Variants in SUCO observed in about 807,000 individuals in gnomAD.
SUCO encodes SUN domain containing ossification factor.
Under a neutral mutation model 148.1 loss-of-function variants are expected in SUCO, and 57 were observed. The observed-to-expected ratio is 0.38, with a 90% CI of 0.31 to 0.48. SUCO has a LOEUF of 0.48. Ranked by LOEUF, SUCO falls within the 20% of genes least tolerant of loss-of-function variation. The pLI is 0.96. For synonymous variants in SUCO, 470 were observed against 502.7 expected, an observed-to-expected ratio of 0.93 and a Z score of 0.87; for missense variants, 1,331 against 1,468.2, an observed-to-expected ratio of 0.91 and a Z score of 1.53.
At chr1:172,578,163 C>T in intron 13 of SUCO, 135 bp from the exon 14 acceptor site, 2 of 669,590 alleles carry the variant, frequency 3.0e-6, no homozygotes, top group Non-Finnish European at 5.3e-6. Flanking sequence ...ATGTAAGGAG[C>T]AGCCATTATT....
At chr1:172,597,253 G>A (rs547744575) in intron 19 of SUCO, among the ~76,000 whole-genome samples, 14 of 152,280 alleles carry the variant, frequency 9.2e-5, no homozygotes, top group African/African-American at 2.6e-4. Flanking sequence ...GCGGTGCCCC[G>A]CCCTGCTTTG....
chr1:172,556,571 G>T, intron 4 of SUCO: 8 of 976,270 alleles, frequency 8.2e-6, no homozygotes, highest in Non-Finnish European at 9.7e-6. Context: ...ACTACATTAA[G>T]CATTTCCTTT....
At chr1:172,595,884 T>C (rs942652462) in intron 19 of SUCO, among the ~76,000 whole-genome samples, 1 of 152,226 alleles carries the variant, frequency 6.6e-6, no homozygotes, top group Non-Finnish European at 1.5e-5. Flanking sequence ...TCCAACTTGG[T>C]TCCATTTTCC....
At chr1:172,533,008 G>C, upstream of SUCO, 3 of 1,423,046 alleles carry the variant, frequency 2.1e-6, no homozygotes, top group Non-Finnish European at 1.8e-6. Context: ...GGCGCCGCGG[G>C]ACTTGGGTGA....
intron 1 of SUCO, among the ~76,000 whole-genome samples, chr1:172,544,903 A>C (rs978318567): frequency 1.3e-5 from 2 of 152,228 alleles, no homozygotes; most frequent in African/African-American, 4.8e-5. Flanking sequence ...GTTGATTTGC[A>C]GACGTAGCAA....
rs1472520467 is a variant in SUCO, at chr1:172,541,933, G to A, written c.62+8436G>A. ...TTTGTTTGCTTGTTTGTTTTAACTT[G>A]GGCAACTAGAAGAATTGGTGGTGGT... is the stretch of plus-strand genomic sequence containing the variant. On this transcript the variant is annotated intron_variant, in intron 1 of 23. Transcript: ENST00000263688. 5.4e-6 allele frequency: 4 copies of A among 736,972 alleles called. No individual in the cohort carries two copies. The African/African-American group carries it at 7.7e-5, about 14-fold the overall frequency. The allele number at this position is 736,972 out of a possible 1,614,324, so 45.7% of individuals were successfully genotyped here.
At chr1:172,559,284 AT>A (rs1653968531) in intron 6 of SUCO, among the ~76,000 whole-genome samples, 1 of 152,194 alleles carries the variant, frequency 6.6e-6, no homozygotes, top group Middle Eastern at 3.2e-3. Flanking sequence ...GGATATAGTG[AT>A]TTCTTTGGCT....
Position 172,588,799 on chromosome 1 carries a change from G to A in SUCO, c.1698G>A (p.Pro566=), listed in dbSNP as rs116126795. Residue 566 remains proline, a synonymous_variant, in exon 18 of 24, where the codon CCG becomes CCA. Coordinates refer to ENST00000263688, the MANE Select transcript of SUCO (RefSeq NM_014283.5). The part of the protein sequence containing the change: ...TTEVHTHDME[P]STPDTPKESP... Reference sequence around the variant, plus strand: ...AAGTACACACACATGACATGGAGCCGTCAACACCAGATACTCCAAAAGAGA... The same window carrying A: ...AAGTACACACACATGACATGGAGCCATCAACACCAGATACTCCAAAAGAGA... 1.1e-5 allele frequency: 18 copies of A among 1,574,508 alleles called. No homozygotes were observed. Among genetic ancestry groups the A allele is most frequent in the Middle Eastern group, 1.7e-4 (1 of 5,886 alleles).
At chr1:172,569,561 G>A (rs1192331359) in intron 7 of SUCO, 4 of 956,736 alleles carry the variant, frequency 4.2e-6, no homozygotes, top group South Asian at 4.8e-5. Flanking sequence ...GCTTGCTTAT[G>A]TTATGAGGCA....
At chr1:172,552,922 A>G (rs926856948) in intron 2 of SUCO, among the ~76,000 whole-genome samples, 21 of 152,054 alleles carry the variant, frequency 1.4e-4, no homozygotes, top group Admixed American at 3.9e-4. Flanking sequence ...GTATGTCAAA[A>G]AAGAGATGAA....
chr1:172,597,288 A>G (rs1011739973), intron 19 of SUCO, among the ~76,000 whole-genome samples: 6 of 152,194 alleles, frequency 3.9e-5, no homozygotes, highest in Admixed American at 3.3e-4. Context: ...GGCTGCACCC[A>G]CTGTCCAACA....
intron 15 of SUCO, among the ~76,000 whole-genome samples, chr1:172,583,481 C>A (rs1015988809): frequency 1.2e-4 from 19 of 152,100 alleles, no homozygotes; most frequent in Non-Finnish European, 1.9e-4. Context: ...AGTTTGAAAT[C>A]TGCTACTATT....
At chr1:172,582,192 G>A (rs888439648) in intron 15 of SUCO, among the ~76,000 whole-genome samples, 1 of 152,094 alleles carries the variant, frequency 6.6e-6, no homozygotes, top group African/African-American at 2.4e-5. Flanking sequence ...AGGTGCATGT[G>A]CATGTTGAAG....
chr1:172,537,435 T>C (rs1652108393), intron 1 of SUCO, among the ~76,000 whole-genome samples: 1 of 152,184 alleles, frequency 6.6e-6, no homozygotes, highest in Non-Finnish European at 1.5e-5. Context: ...TGTCATTTTC[T>C]TGTTGGCTGT....
intron 17 of SUCO, chr1:172,588,315 T>C (rs1283138884): frequency 1.0e-6 from 1 of 985,360 alleles, no homozygotes; most frequent in Non-Finnish European, 1.2e-6. Flanking sequence ...AATCCTAGAT[T>C]CTAGTTTTAG....
upstream of SUCO, chr1:172,533,027 T>G: frequency 7.0e-7 from 1 of 1,431,550 alleles, no homozygotes. Context: ...GACGCGTCCC[T>G]TTCCAGCTCA....
intron 3 of SUCO, 148 bp from the exon 4 acceptor site, chr1:172,555,721 A>C: frequency 1.5e-6 from 1 of 658,336 alleles, no homozygotes; most frequent in Non-Finnish European, 2.3e-6. Flanking sequence ...GTAATATTGG[A>C]AGAAAGGATT....
At chr1:172,594,328 G>C (rs1360324051) in intron 19 of SUCO, among the ~76,000 whole-genome samples, 5 of 151,190 alleles carry the variant, frequency 3.3e-5, no homozygotes, top group African/African-American at 1.2e-4. Flanking sequence ...GCTAGCTTTT[G>C]AATGGTTTGC....
intron 1 of SUCO, among the ~76,000 whole-genome samples, chr1:172,542,251 G>T (rs562742283): frequency 3.9e-5 from 6 of 152,166 alleles, no homozygotes; most frequent in African/African-American, 1.4e-4. Flanking sequence ...GCATGGTAGC[G>T]CATGCCTGTA....
Sources: allele counts gnomAD v4.1 joint callset (sites outside exome capture counted in the v4.1 genomes callset), GRCh38; gene constraint gnomAD v4.1.1; transcripts MANE v1.5; gene names NCBI Gene and HGNC (gene_info 2026-07-23, HGNC 2026-07-21).